The following SH2D3C variants were observed in gnomAD, a reference collection of about 807,000 sequenced individuals.
SH2D3C encodes SH2 domain containing 3C.
A neutral mutation model predicts 75.2 loss-of-function variants in SH2D3C; 25 were observed. The observed-to-expected ratio is 0.33, with a 90% CI of 0.24 to 0.46. SH2D3C has a LOEUF of 0.46. Ranked by LOEUF, SH2D3C falls within the 20% of genes least tolerant of loss-of-function variation. SH2D3C has a pLI of 1.00. For missense variants in SH2D3C, 933 were observed against 1,165.3 expected (o/e 0.80, Z 2.90); for synonymous variants, 450 against 473.7 (o/e 0.95, Z 0.65).
chr9:127,770,840 G>A (rs942928248), intron 2 of SH2D3C, among the ~76,000 whole-genome samples: 1 of 152,170 alleles, frequency 6.6e-6, no homozygotes, highest in Admixed American at 6.5e-5. Context: ...TGGCCCTGCT[G>A]GAGAGGAATG....
intron 1 of SH2D3C, among the ~76,000 whole-genome samples, chr9:127,777,700 G>A (rs867687908): frequency 1.2e-4 from 18 of 152,280 alleles, no homozygotes; most frequent in African/African-American, 4.1e-4. Flanking sequence ...TGCAGAGATC[G>A]AGAGACGCGG....
At chr9:127,757,278 T>TC (rs1229284209) in intron 3 of SH2D3C, among the ~76,000 whole-genome samples, 63 of 151,280 alleles carry the variant, frequency 4.2e-4, no homozygotes, top group African/African-American at 1.4e-3. Flanking sequence ...TTTGATTTTT[T>TC]TTTTTTTTTG....
intron 2 of SH2D3C, chr9:127,771,123 A>G (rs1845728791): frequency 2.3e-6 from 3 of 1,332,098 alleles, no homozygotes; most frequent in Non-Finnish European, 3.0e-6. Context: ...AGGGGTGCAG[A>G]TTTCCTCCTT....
intron 3 of SH2D3C, among the ~76,000 whole-genome samples, chr9:127,761,367 G>T (rs1845520661): frequency 6.6e-6 from 1 of 152,184 alleles, no homozygotes; most frequent in Admixed American, 6.5e-5. Context: ...GGGGTCAGAT[G>T]ATATCAAATA....
In SH2D3C at chr9:127,745,066, G is replaced by A. The variant is rs1460275618; in HGVS notation, c.1298C>T (p.Ser433Phe). Residue 433 changes from serine to phenylalanine, a missense_variant, in exon 7 of 12, where the codon TCT becomes TTT. Coordinates refer to ENST00000314830, the MANE Select transcript of SH2D3C (RefSeq NM_170600.3). ...TRVHAAPAAP[S>F]ATALPASPVA... is the part of the protein sequence containing the mutation. Reference sequence around the variant, plus strand: ...AGGGGAGGCAGGCAATGCTGTGGCAGAAGGGGCTGCAGGGGCGGCATGGAC... The same window carrying A: ...AGGGGAGGCAGGCAATGCTGTGGCAAAAGGGGCTGCAGGGGCGGCATGGAC... The A allele has an allele frequency of 6.6e-7, 1 of 1,510,234 alleles. No individual in the cohort carries two copies. The highest frequency in any genetic ancestry group is 2.3e-5 in the Admixed American group (1 of 43,918). The allele number at this position is 1,510,234 out of a possible 1,614,324, so 93.6% of individuals were successfully genotyped here. A position where few individuals can be genotyped will look rare whatever the true frequency, so the allele number is the denominator to read the frequency against.
chr9:127,740,243 G>A lies in SH2D3C; in HGVS notation c.2200+15C>T, dbSNP rs375589959. 3.1e-5 allele frequency: 49 copies of A among 1,603,706 alleles called. No individual in the cohort carries two copies. Among genetic ancestry groups the A allele is most frequent in the Non-Finnish European group, 3.5e-5 (41 of 1,170,786 alleles). On this transcript the variant is annotated intron_variant, in intron 10 of 11. Coordinates refer to ENST00000314830, the MANE Select transcript of SH2D3C (RefSeq NM_170600.3). ...AGGGCTGCAGCCTGTCCAAGGTCACGCAACAAGGAAGTACCTTTGCCCTCG... is the reference window on the plus strand; with the variant it reads ...AGGGCTGCAGCCTGTCCAAGGTCACACAACAAGGAAGTACCTTTGCCCTCG...
intron 8 of SH2D3C, 52 bp downstream of exon 8, chr9:127,742,797 G>A: frequency 2.1e-6 from 3 of 1,420,666 alleles, no homozygotes; most frequent in Non-Finnish European, 2.9e-6. Context: ...CCAGCGGGGA[G>A]TGCGGTAGCC....
At chr9:127,762,802 C>T (rs745684907) in intron 2 of SH2D3C, among the ~76,000 whole-genome samples, 4 of 152,212 alleles carry the variant, frequency 2.6e-5, no homozygotes, top group African/African-American at 4.8e-5. Flanking sequence ...AGCCCTTCAG[C>T]GGCTCCCATC....
At position 127,751,167 on chromosome 9, in the gene SH2D3C, C is replaced by T; in HGVS notation, c.684+5G>A. 1.2e-6 allele frequency: 2 copies of T among 1,613,566 alleles called. No individual in the cohort carries two copies. The highest frequency in any genetic ancestry group is 1.1e-5 in the South Asian group (1 of 91,056). On this transcript the variant is annotated splice_donor_5th_base_variant and intron_variant, in intron 4 of 11. Coordinates refer to ENST00000314830, the MANE Select transcript of SH2D3C (RefSeq NM_170600.3). The surrounding 1 kb of genome is among the most constrained non-coding windows in gnomAD (Gnocchi z 4.1). ...GGGTTGAAGTCCAGCTCGGGGCCTACTCACCTCTCGGGGGATGCGGCCATG... is the reference window on the plus strand; with the variant it reads ...GGGTTGAAGTCCAGCTCGGGGCCTATTCACCTCTCGGGGGATGCGGCCATG...
chr9:127,763,070 C>T (rs1405693865), intron 2 of SH2D3C, among the ~76,000 whole-genome samples: 1 of 152,226 alleles, frequency 6.6e-6, no homozygotes, highest in East Asian at 1.9e-4. Flanking sequence ...TCCTTGGCAA[C>T]TTGTTCCGGC....
intron 3 of SH2D3C, among the ~76,000 whole-genome samples, chr9:127,759,828 A>G (rs1204742757): frequency 6.6e-6 from 1 of 151,716 alleles, no homozygotes; most frequent in Non-Finnish European, 1.5e-5. Flanking sequence ...CTAAAAATAT[A>G]AAAAATTAGC....
At position 127,740,304 on chromosome 9, in the gene SH2D3C, G is replaced by A. The variant is rs758972648; in HGVS notation, c.2154C>T (p.Tyr718=). 1.8e-5 allele frequency: 29 copies of A among 1,613,988 alleles called. No homozygotes were observed. Among genetic ancestry groups the A allele is most frequent in the Middle Eastern group, 1.6e-4 (1 of 6,084 alleles). ...TGAGAAAAGGCTTGAGCTTCTTCTC[G>A]TACAGGATGGCACCCTCTGTGTGTC... is the stretch of plus-strand genomic sequence containing the variant. ...RQRHTEGAIL[Y]EKKLKPFLKS... The change falls in exon 10 of 12, where the codon TAC becomes TAT. Residue 718 remains tyrosine, a synonymous_variant. Coordinates refer to ENST00000314830, the MANE Select transcript of SH2D3C (RefSeq NM_170600.3).
chr9:127,742,952 G>A lies in SH2D3C; in HGVS notation c.1813C>T (p.Leu605=), dbSNP rs550688273. The A allele has an allele frequency of 6.2e-7, 1 of 1,613,378 alleles. No homozygotes were observed. The highest frequency in any genetic ancestry group is 1.1e-5 in the South Asian group (1 of 91,036). The stretch of plus-strand genomic sequence containing the variant: ...GTCTGCATCTCCTTGGTAACGCCCA[G>A]TATCCTAGCAACCTGCAAAGACGCC... ...TKVDCLVARI[L]GVTKEMQTLM... is the part of the protein sequence containing the mutation. Residue 605 remains leucine, a synonymous_variant, in exon 8 of 12, where the codon CTG becomes TTG. Coordinates refer to ENST00000314830, the MANE Select transcript of SH2D3C (RefSeq NM_170600.3).
chr9:127,740,501 G>A, intron 9 of SH2D3C, 132 bp from the exon 10 acceptor site: 1 of 620,494 alleles, frequency 1.6e-6, no homozygotes, highest in South Asian at 1.9e-5. Flanking sequence ...ACCAGGGACA[G>A]TGATGACTAC....
chr9:127,746,899 C>A (rs1335865409), intron 6 of SH2D3C, among the ~76,000 whole-genome samples: 1 of 152,238 alleles, frequency 6.6e-6, no homozygotes, highest in Admixed American at 6.5e-5. Context: ...GATCCCACCA[C>A]TGCACTCCAG....
intron 7 of SH2D3C, among the ~76,000 whole-genome samples, chr9:127,743,636 C>G (rs1844932837): frequency 6.6e-6 from 1 of 152,256 alleles, no homozygotes. Context: ...GGCCTAGAAC[C>G]TGGGTCCTCC....
At chr9:127,777,957 A>C (rs906690786) in intron 1 of SH2D3C, among the ~76,000 whole-genome samples, 2 of 151,866 alleles carry the variant, frequency 1.3e-5, no homozygotes, top group African/African-American at 4.8e-5. Flanking sequence ...GGTCTCTAAA[A>C]AAAAAAAAAA....
rs1238274335 is a variant in SH2D3C at position 127,751,567 on chromosome 9, A to C, written c.556-267T>G. 6.6e-6 allele frequency among the ~76,000 whole-genome samples: 1 copy of C among 152,240 alleles called. No homozygotes were observed. The highest frequency in any genetic ancestry group is 1.9e-4 in the East Asian group (1 of 5,196). On this transcript the variant is annotated intron_variant, in intron 3 of 11. Transcript: ENST00000314830. This position sits in a 1 kb window ranked among gnomAD's most constrained non-coding sequence, Gnocchi z 4.1. ...ATAAACCAAGCCCGGCCCTCAAGGC[A>C]GTGCCTAGTCTGAGGAGAGGCAAAA...
rs868663582 is a variant in SH2D3C, at chr9:127,754,808, C to T, written c.556-3508G>A. ...CCAGTCCCCCCTGCCCCAGCTCTCT[C>T]CCTCCTGCGGAGGAGGCAGAAACGG... On this transcript the variant is annotated intron_variant, in intron 3 of 11. Transcript: ENST00000314830. The surrounding 1 kb of genome is among the most constrained non-coding windows in gnomAD (Gnocchi z 4.4). 2.1e-6 allele frequency: 1 copy of T among 483,400 alleles called. No homozygotes were observed. Among genetic ancestry groups the T allele is most frequent in the Non-Finnish European group, 4.2e-6 (1 of 235,582 alleles). 29.9% of individuals were successfully genotyped at this position (483,400 alleles called of 1,614,324 possible). A position where few individuals can be genotyped will look rare whatever the true frequency, so the allele number is the denominator to read the frequency against.
Sources: gnomAD v4.1 joint callset for allele counts (sites outside exome capture counted in the v4.1 genomes callset) on GRCh38, gnomAD v4.1.1 for gene constraint, Gnocchi (gnomAD v3.1) non-coding constraint, MANE v1.5 for transcripts, NCBI Gene and HGNC (gene_info 2026-07-23, HGNC 2026-07-21) for gene names.